TMOD3: variants seen among roughly 807,000 people sequenced by gnomAD.
TMOD3 encodes tropomodulin-3.
A neutral mutation model predicts 39.2 loss-of-function variants in TMOD3; 20 were observed. That is an observed-to-expected ratio of 0.51 (90% CI 0.36 to 0.74). TMOD3 has a LOEUF of 0.74. Ranked by LOEUF, TMOD3 falls within the 30% of genes least tolerant of loss-of-function variation. TMOD3 has a pLI of 0.00. For synonymous variants in TMOD3, 143 were observed against 145.8 expected (o/e 0.98, Z 0.14); for missense variants, 381 against 412.8 (o/e 0.92, Z 0.67).
At chr15:51,843,034 C>T (rs536877093) in intron 1 of TMOD3, among the ~76,000 whole-genome samples, 1 of 152,204 alleles carries the variant, frequency 6.6e-6, no homozygotes, top group East Asian at 1.9e-4. Flanking sequence ...TTCATTCTTA[C>T]CAGCTGGGGC....
At position 51,910,278 on chromosome 15, in the gene TMOD3, T is replaced by G. The variant is rs1006875043; in HGVS notation, c.*1468T>G. ...CAAGGTGGCTAATCATTATTAATTT[T>G]TTTTAAACTTTTTGGGCCGGGCGCA... is the stretch of plus-strand genomic sequence containing the variant. On this transcript the variant is annotated 3_prime_UTR_variant, in exon 10 of 10. Coordinates refer to ENST00000308580, the MANE Select transcript of TMOD3 (RefSeq NM_014547.5). The G allele has an allele frequency of 6.6e-6, 1 of 152,264 alleles. No homozygotes were observed. Among genetic ancestry groups the G allele is most frequent in the Non-Finnish European group, 1.5e-5 (1 of 68,092 alleles). 9.4% of individuals were successfully genotyped at this position (152,264 alleles called of 1,614,324 possible). A position where few individuals can be genotyped will look rare whatever the true frequency, so the allele number is the denominator to read the frequency against.
chr15:51,860,793 G>A (rs1257070946), intron 1 of TMOD3: 3 of 364,932 alleles, frequency 8.2e-6, no homozygotes, highest in African/African-American at 2.1e-5. Context: ...AAAATTAGCC[G>A]GGCCTGGTGG....
intron 1 of TMOD3, among the ~76,000 whole-genome samples, chr15:51,854,405 A>G (rs1470376804): frequency 1.3e-5 from 2 of 152,196 alleles, no homozygotes; most frequent in East Asian, 3.8e-4. Context: ...TGGGCCAGAG[A>G]GCAATATGAT....
chr15:51,897,571 G>A (rs138388616), intron 7 of TMOD3, among the ~76,000 whole-genome samples: 2,183 of 136,780 alleles, frequency 0.016, 62 homozygotes, highest in East Asian at 0.077. Flanking sequence ...TGCAACCTCC[G>A]CCTCCCGGGT....
chr15:51,901,986 A>G lies in TMOD3; in HGVS notation c.974A>G (p.Gln325Arg), dbSNP rs2056653160. ...AAATTTGGATATCAGTTTACACAGC[A>G]GGGACCACGAACCAGAGCAGCTAAT... ...ILKFGYQFTQ[Q>R]GPRTRAANAI... Residue 325 changes from glutamine (Q) to arginine (R), a missense_variant, in exon 9 of 10, where the codon CAG becomes CGG. By Grantham distance (43) the Gln-to-Arg change is conservative. Transcript: ENST00000308580. The G allele has an allele frequency of 6.2e-7, 1 of 1,614,204 alleles. No individual in the cohort carries two copies. Among genetic ancestry groups the G allele is most frequent in the Non-Finnish European group, 8.5e-7 (1 of 1,180,030 alleles).
chr15:51,879,491 G>T (rs1240310891), intron 3 of TMOD3, among the ~76,000 whole-genome samples: 2 of 151,884 alleles, frequency 1.3e-5, no homozygotes, highest in Non-Finnish European at 2.9e-5. Context: ...TAGATAGAAT[G>T]CTATCTACTG....
intron 3 of TMOD3, among the ~76,000 whole-genome samples, chr15:51,881,218 C>T (rs189669254): frequency 3.3e-5 from 5 of 152,306 alleles, no homozygotes; most frequent in African/African-American, 7.2e-5. Context: ...TACAAATGTG[C>T]ACCACCATGC....
At position 51,901,882 on chromosome 15, in the gene TMOD3, A is replaced by T. The variant is rs1382339370; in HGVS notation, c.880-10A>T. The T allele has an allele frequency of 3.1e-6, 5 of 1,603,994 alleles. No individual in the cohort carries two copies. The highest frequency in any genetic ancestry group is 3.6e-5 in the Admixed American group (2 of 55,862). ...TTATTAATATTGTTCTTTTTTTCTA[A>T]TTACTCCAGAGGCAGCAGTTGGGGA... On this transcript the variant is annotated splice_polypyrimidine_tract_variant and intron_variant, in intron 8 of 9. Coordinates refer to ENST00000308580, the MANE Select transcript of TMOD3 (RefSeq NM_014547.5).
chr15:51,891,492 C>A (rs902062536), intron 5 of TMOD3, among the ~76,000 whole-genome samples: 1 of 152,098 alleles, frequency 6.6e-6, no homozygotes, highest in Non-Finnish European at 1.5e-5. Context: ...TCTAATCCTT[C>A]CTCTTTGGGG....
rs2141716708 is a variant in TMOD3, at chr15:51,915,502, T to C, written c.*6692T>C. 6.6e-6 allele frequency: 1 copy of C among 152,340 alleles called. No homozygotes were observed. The highest frequency in any genetic ancestry group is 6.5e-5 in the Admixed American group (1 of 15,300). The allele number at this position is 152,340 out of a possible 1,614,324, so 9.4% of individuals were successfully genotyped here. A position where few individuals can be genotyped will look rare whatever the true frequency, so the allele number is the denominator to read the frequency against. ...ATGAAATCAGGTATTTACGTTTTTT[T>C]CTAATGCTAAAATATCCAACATTGT... On this transcript the variant is annotated 3_prime_UTR_variant, in exon 10 of 10. Coordinates refer to ENST00000308580, the MANE Select transcript of TMOD3 (RefSeq NM_014547.5).
chr15:51,859,291 G>T, intron 1 of TMOD3: 1 of 734,136 alleles, frequency 1.4e-6, no homozygotes, highest in East Asian at 2.7e-5. Flanking sequence ...CAGTTTTCAG[G>T]TCTACCAAGG....
At chr15:51,886,665 GGAGAGGGAGAGGGAGACCTTGGGAGA>G (rs1263124555) in intron 3 of TMOD3, among the ~76,000 whole-genome samples, 21 of 152,084 alleles carry the variant, frequency 1.4e-4, no homozygotes, top group Admixed American at 3.9e-4. Flanking sequence ...GGAGAGAGAG[GGAGAGGGAGAGGGAGACCTTGGGAGA>G]GAGAGGGAGA....
chr15:51,868,285 T>C (rs546949912), intron 2 of TMOD3, among the ~76,000 whole-genome samples: 58 of 149,474 alleles, frequency 3.9e-4, no homozygotes, highest in African/African-American at 1.4e-3. Context: ...TGAGCAGTTA[T>C]TAAGCATTAA....
At chr15:51,881,900 A>C (rs1003104343) in intron 3 of TMOD3, among the ~76,000 whole-genome samples, 1 of 148,810 alleles carries the variant, frequency 6.7e-6, no homozygotes, top group Non-Finnish European at 1.5e-5. Flanking sequence ...TTTTTATTTT[A>C]TTTATTTATT....
intron 1 of TMOD3, among the ~76,000 whole-genome samples, chr15:51,832,933 G>A (rs2570235): frequency 0.46 from 70,215 of 151,994 alleles, 16,489 homozygotes; most frequent in Admixed American, 0.53. Context: ...CTCGATTAGA[G>A]TAGATGAGGA....
chr15:51,850,882 C>T (rs530737546), intron 1 of TMOD3, among the ~76,000 whole-genome samples: 6 of 152,240 alleles, frequency 3.9e-5, no homozygotes, highest in African/African-American at 1.4e-4. Flanking sequence ...TATAGGCACG[C>T]GCCACCACGC....
intron 7 of TMOD3, among the ~76,000 whole-genome samples, chr15:51,897,311 G>A (rs970808587): frequency 2.8e-4 from 42 of 151,740 alleles, no homozygotes; most frequent in Non-Finnish European, 1.8e-4. Flanking sequence ...CCTGAACTCC[G>A]TATTCATGTC....
At chr15:51,844,074 T>G (rs1192571561) in intron 1 of TMOD3, among the ~76,000 whole-genome samples, 4 of 152,154 alleles carry the variant, frequency 2.6e-5, no homozygotes, top group Non-Finnish European at 5.9e-5. Context: ...AACAAATGAT[T>G]GAATTGTCCT....
chr15:51,860,865 G>A (rs2056414190), intron 1 of TMOD3: 1 of 376,624 alleles, frequency 2.7e-6, no homozygotes, highest in Admixed American at 3.5e-5. Context: ...GAACCCAGGA[G>A]GCAGAGGTTG....
Sources: allele counts gnomAD v4.1 joint callset (sites outside exome capture counted in the v4.1 genomes callset), GRCh38; gene constraint gnomAD v4.1.1; transcripts MANE v1.5; gene names NCBI Gene and HGNC (gene_info 2026-07-23, HGNC 2026-07-21).